Variants in C1orf141 observed in about 807,000 individuals in gnomAD.
The protein encoded by C1orf141 is chromosome 1 open reading frame 141, also known as uncharacterized protein C1orf141.
A neutral mutation model predicts 23.2 loss-of-function variants in C1orf141; 19 were observed. The observed-to-expected ratio is 0.82, with a 90% CI of 0.57 to 1.20. C1orf141 has a LOEUF of 1.20. Ranked by LOEUF, C1orf141 falls within the 50% of genes most tolerant of loss-of-function variation. C1orf141 has a pLI of 0.00. For synonymous variants in C1orf141, 153 were observed against 154.6 expected (o/e 0.99, Z 0.08); for missense variants, 469 against 455.1 (o/e 1.03, Z -0.28).
At chr1:67,094,461 C>T (rs867097518) in intron 7 of C1orf141, 1 of 152,202 alleles carries the variant, frequency 6.6e-6, no homozygotes, top group Non-Finnish European at 1.5e-5. Context: ...TTCAGATACA[C>T]CTATGAAGTC....
intron 5 of C1orf141, among the ~76,000 whole-genome samples, chr1:67,109,171 C>T (rs1292578370): frequency 5.9e-5 from 9 of 151,554 alleles, no homozygotes; most frequent in African/African-American, 2.2e-4. Context: ...ACTAAAAATA[C>T]AAAAAAATTA....
chr1:67,135,484 G>T (rs1438046411), upstream of C1orf141, among the ~76,000 whole-genome samples: 1 of 152,174 alleles, frequency 6.6e-6, no homozygotes, highest in East Asian at 1.9e-4. Context: ...TACGCAAGTT[G>T]TGTAGCAGAC....
At position 67,095,238 on chromosome 1, in the gene C1orf141, G is replaced by A; in HGVS notation, c.600C>T (p.His200=). ...CAATAGATGATATGCTTATTACCAT[G>A]TGAGAAGTTACTGTCTTTGTTGGAC... The part of the protein sequence containing the change: ...NVSPTKTVTS[H]MEQKDTNPII... Residue 200 remains histidine (H), a synonymous_variant, in exon 7 of 8, where the codon CAC becomes CAT. Transcript: ENST00000684719. The A allele has an allele frequency of 6.5e-7, 1 of 1,539,584 alleles. No homozygotes were observed. The highest frequency in any genetic ancestry group is 8.9e-7 in the Non-Finnish European group (1 of 1,127,414).
At chr1:67,103,226 C>A in intron 5 of C1orf141, 1 of 1,360,168 alleles carries the variant, frequency 7.4e-7, no homozygotes, top group Non-Finnish European at 9.8e-7. Flanking sequence ...TGTAAACATG[C>A]AATTTGTATA....
intron 5 of C1orf141, 131 bp from the exon 6 acceptor site, chr1:67,096,452 G>A: frequency 1.8e-6 from 1 of 545,698 alleles, no homozygotes; most frequent in Non-Finnish European, 3.3e-6. Context: ...GTCTGTAGTA[G>A]CTACCCAGTA....
chr1:67,127,610 T>C (rs1462657350), intron 2 of C1orf141, among the ~76,000 whole-genome samples: 1 of 152,112 alleles, frequency 6.6e-6, no homozygotes, highest in Non-Finnish European at 1.5e-5. Context: ...ATTAAAAATA[T>C]ATCAAGCTAG....
chr1:67,104,524 T>A (rs947626786), intron 5 of C1orf141, among the ~76,000 whole-genome samples: 1 of 152,098 alleles, frequency 6.6e-6, no homozygotes, highest in Admixed American at 6.6e-5. Flanking sequence ...TTGGAGCATA[T>A]CAATAATTCT....
At chr1:67,127,793 C>T (rs1046548812) in intron 2 of C1orf141, among the ~76,000 whole-genome samples, 50 of 152,084 alleles carry the variant, frequency 3.3e-4, no homozygotes, top group African/African-American at 1.2e-3. Flanking sequence ...CACCACCATG[C>T]CCAGCTACTT....
intron 3 of C1orf141, among the ~76,000 whole-genome samples, chr1:67,126,245 TAGGC>T (rs1431312739): frequency 6.6e-6 from 1 of 152,168 alleles, no homozygotes; most frequent in Non-Finnish European, 1.5e-5. Context: ...GGAACCATAG[TAGGC>T]ATGTCCCTCC....
chr1:67,110,929 T>A (rs868304976), intron 5 of C1orf141, among the ~76,000 whole-genome samples: 11 of 148,690 alleles, frequency 7.4e-5, no homozygotes, highest in African/African-American at 2.4e-4. Context: ...ATATATTATA[T>A]ATATATAAAA....
intron 1 of C1orf141, among the ~76,000 whole-genome samples, chr1:67,132,611 G>A (rs550060495): frequency 1.3e-5 from 2 of 152,202 alleles, no homozygotes; most frequent in Non-Finnish European, 2.9e-5. Flanking sequence ...ATCCACCTCC[G>A]ACTCTCAGCC....
intron 3 of C1orf141, 94 bp from the exon 4 acceptor site, chr1:67,126,003 C>G: frequency 1.2e-6 from 1 of 864,670 alleles, no homozygotes; most frequent in Non-Finnish European, 1.6e-6. Flanking sequence ...TCTCACTTTA[C>G]ACACACACAC....
At chr1:67,102,918 C>T (rs1045752995) in intron 5 of C1orf141, 2 of 170,886 alleles carry the variant, frequency 1.2e-5, no homozygotes, top group African/African-American at 4.7e-5. Flanking sequence ...TTTTCTTTTA[C>T]TTAGGGCTAA....
chr1:67,105,183 G>C (rs757326968), intron 5 of C1orf141, among the ~76,000 whole-genome samples: 1 of 151,746 alleles, frequency 6.6e-6, no homozygotes, highest in Non-Finnish European at 1.5e-5. Flanking sequence ...AAAATAAGCC[G>C]GGTGTGGTGG....
chr1:67,130,554 T>C (rs182505088), intron 2 of C1orf141, among the ~76,000 whole-genome samples: 118 of 152,254 alleles, frequency 7.8e-4, no homozygotes, highest in Admixed American at 5.6e-3. Context: ...TGCACGCACA[T>C]GCACACACAG....
At chr1:67,135,991 A>C (rs1365946013), upstream of C1orf141, among the ~76,000 whole-genome samples, 1 of 151,922 alleles carries the variant, frequency 6.6e-6, no homozygotes, top group African/African-American at 2.4e-5. Context: ...GCATGAAAAC[A>C]CTGGAATCAA....
intron 4 of C1orf141, among the ~76,000 whole-genome samples, chr1:67,117,413 A>G (rs1271768277): frequency 6.6e-6 from 1 of 152,102 alleles, no homozygotes; most frequent in Admixed American, 6.5e-5. Context: ...ACAGAGAGAG[A>G]TTCTGTCTCG....
intron 1 of C1orf141, among the ~76,000 whole-genome samples, chr1:67,140,258 A>T (rs1482285621): frequency 6.6e-6 from 1 of 152,356 alleles, no homozygotes; most frequent in East Asian, 1.9e-4. Context: ...GTTAGATCTG[A>T]TTTCATAAAT....
chr1:67,106,550 C>T (rs913074061), intron 5 of C1orf141, among the ~76,000 whole-genome samples: 1 of 151,986 alleles, frequency 6.6e-6, no homozygotes, highest in African/African-American at 2.4e-5. Flanking sequence ...TCCAGCTACT[C>T]AGGAGGTTGA....
Sources: gnomAD v4.1 joint callset for allele counts (sites outside exome capture counted in the v4.1 genomes callset) on GRCh38, gnomAD v4.1.1 for gene constraint, MANE v1.5 for transcripts, NCBI Gene and HGNC (gene_info 2026-07-23, HGNC 2026-07-21) for gene names.